PITPNC1: variants seen among roughly 807,000 people sequenced by gnomAD.
The protein encoded by PITPNC1 is phosphatidylinositol transfer protein cytoplasmic 1.
Under a neutral mutation model 44.7 loss-of-function variants are expected in PITPNC1, and 18 were observed. That is an observed-to-expected ratio of 0.40 (90% CI 0.28 to 0.60). The LOEUF (loss-of-function observed/expected upper bound fraction) is 0.60, where lower values mean the gene tolerates loss of function less well. PITPNC1 is among the 20% of genes least tolerant of loss of function. PITPNC1 has a pLI of 0.39. For synonymous variants in PITPNC1, 141 were observed against 149.6 expected (o/e 0.94, Z 0.42); for missense variants, 290 against 418.4 (o/e 0.69, Z 2.68).
intron 2 of PITPNC1, 142 bp from the exon 3 acceptor site, chr17:67,552,115 A>C (rs1747151265): frequency 4.8e-6 from 3 of 628,432 alleles, no homozygotes. Flanking sequence ...CAAAGACCGA[A>C]GAGATGGGGA....
At chr17:67,408,098 G>A (rs1273392643) in intron 1 of PITPNC1, among the ~76,000 whole-genome samples, 1 of 150,158 alleles carries the variant, frequency 6.7e-6, no homozygotes, top group Non-Finnish European at 1.5e-5. Flanking sequence ...GGGATTACAG[G>A]CATGCACCGC....
intron 1 of PITPNC1, among the ~76,000 whole-genome samples, chr17:67,497,091 A>C (rs1385200943): frequency 6.6e-6 from 1 of 152,140 alleles, no homozygotes; most frequent in Non-Finnish European, 1.5e-5. Flanking sequence ...GTTCCGGTGA[A>C]TAGCCACTGC....
chr17:67,628,252 G>A lies in PITPNC1; in HGVS notation c.367-3891G>A, dbSNP rs1191104287. Among the ~76,000 whole-genome samples the A allele has an allele frequency of 2.0e-5, 3 of 152,012 alleles. 1 individual carries two copies. The highest frequency in any genetic ancestry group is 3.9e-4 in the East Asian group (2 of 5,194). On this transcript the variant is annotated intron_variant, in intron 5 of 8. Coordinates refer to ENST00000581322, the MANE Select transcript of PITPNC1 (RefSeq NM_012417.4). The stretch of plus-strand genomic sequence containing the variant: ...TGCAGCACATACTCCATTCTGCCTT[G>A]TATTTTTGGTGATAGCTCCCCAGTC...
intron 4 of PITPNC1, among the ~76,000 whole-genome samples, chr17:67,560,628 C>T (rs2040894932): frequency 6.6e-6 from 1 of 152,206 alleles, no homozygotes; most frequent in African/African-American, 2.4e-5. Context: ...GGGACCAGAG[C>T]TCGCCTCTAC....
chr17:67,398,483 G>GGTTGT (rs2143815391), intron 1 of PITPNC1, among the ~76,000 whole-genome samples: 1 of 149,118 alleles, frequency 6.7e-6, no homozygotes, highest in Admixed American at 6.7e-5. Flanking sequence ...CAACTTTCTA[G>GGTTGT]GCATTGGTTG....
At chr17:67,670,750 CAAAAAA>C (rs61094990) in intron 7 of PITPNC1, among the ~76,000 whole-genome samples, 1 of 60,510 alleles carries the variant, frequency 1.7e-5, no homozygotes, top group Non-Finnish European at 3.3e-5. Flanking sequence ...GACTCCATCT[CAAAAAA>C]AAAAAAAAAA....
At chr17:67,451,041 C>CT (rs987403980) in intron 1 of PITPNC1, among the ~76,000 whole-genome samples, 2 of 151,890 alleles carry the variant, frequency 1.3e-5, no homozygotes, top group Non-Finnish European at 2.9e-5. Flanking sequence ...ATTTCTTTTC[C>CT]TTTTTTTGAG....
chr17:67,501,425 G>A (rs1275163076), intron 1 of PITPNC1, among the ~76,000 whole-genome samples: 1 of 152,114 alleles, frequency 6.6e-6, no homozygotes, highest in African/African-American at 2.4e-5. Context: ...TCGCTGCCTT[G>A]TCTCAACATT....
At chr17:67,413,401 T>TTTTCTTTCTTTCTTTC (rs151166964) in intron 1 of PITPNC1, among the ~76,000 whole-genome samples, 1,763 of 145,498 alleles carry the variant, frequency 0.012, 33 homozygotes, top group African/African-American at 0.015. Context: ...ATGTGCTTAA[T>TTTTCTTTCTTTCTTTC]TTTCTTTCTT....
intron 3 of PITPNC1, among the ~76,000 whole-genome samples, chr17:67,552,761 T>G (rs1008103683): frequency 6.7e-6 from 1 of 149,552 alleles, no homozygotes; most frequent in South Asian, 2.1e-4. Flanking sequence ...TGAGCCAAGA[T>G]TGTGCCACTG....
intron 1 of PITPNC1, among the ~76,000 whole-genome samples, chr17:67,506,878 C>T (rs549726065): frequency 4.5e-4 from 68 of 152,090 alleles, no homozygotes; most frequent in Admixed American, 4.6e-4. Flanking sequence ...AATTCAAAAC[C>T]AGAATTCAAA....
intron 1 of PITPNC1, among the ~76,000 whole-genome samples, chr17:67,493,235 A>T (rs76766317): frequency 0.033 from 5,013 of 152,292 alleles, 152 homozygotes; most frequent in African/African-American, 0.084. Context: ...GATCACAATC[A>T]GGAATATTCC....
At chr17:67,552,026 GT>G (rs2040770674) in intron 2 of PITPNC1, among the ~76,000 whole-genome samples, 1 of 152,202 alleles carries the variant, frequency 6.6e-6, no homozygotes, top group South Asian at 2.1e-4. Flanking sequence ...GTCTGATGGA[GT>G]CCCCCACCAG....
intron 1 of PITPNC1, among the ~76,000 whole-genome samples, chr17:67,393,439 T>C (rs1287723452): frequency 6.6e-6 from 1 of 152,116 alleles, no homozygotes; most frequent in Non-Finnish European, 1.5e-5. Flanking sequence ...TACTTATCAT[T>C]AAACTCATTC....
At chr17:67,450,434 C>CT (rs1404104673) in intron 1 of PITPNC1, among the ~76,000 whole-genome samples, 5 of 151,558 alleles carry the variant, frequency 3.3e-5, no homozygotes, top group Non-Finnish European at 7.4e-5. Flanking sequence ...TTTTAAGTTT[C>CT]TTTTTTTTGA....
chr17:67,617,015 A>T (rs2041767261), intron 5 of PITPNC1, among the ~76,000 whole-genome samples: 1 of 152,196 alleles, frequency 6.6e-6, no homozygotes, highest in Admixed American at 6.5e-5. Flanking sequence ...GGCCGGTCTG[A>T]ACGCCACATT....
rs1259943265 is a variant in PITPNC1 at position 67,695,690 on chromosome 17, A to G, written c.*2802A>G. The G allele has an allele frequency of 2.0e-5, 3 of 151,458 alleles. No individual in the cohort carries two copies. Among genetic ancestry groups the G allele is most frequent in the Non-Finnish European group, 4.4e-5 (3 of 67,904 alleles). 9.4% of individuals were successfully genotyped at this position (151,458 alleles called of 1,614,324 possible). ...TCAGTTTTAAGTCTCTGGTAGCCAA[A>G]CTTAAATAAATAATCCATAGAATAT... On this transcript the variant is annotated 3_prime_UTR_variant, in exon 9 of 9. Coordinates refer to ENST00000581322, the MANE Select transcript of PITPNC1 (RefSeq NM_012417.4).
chr17:67,607,822 G>A (rs1350504682), intron 5 of PITPNC1, among the ~76,000 whole-genome samples: 2 of 150,888 alleles, frequency 1.3e-5, no homozygotes, highest in East Asian at 2.0e-4. Context: ...TCTGCCTCCC[G>A]GGTTCAAGCG....
chr17:67,583,865 TTG>T (rs771258752), intron 5 of PITPNC1, among the ~76,000 whole-genome samples: 2,088 of 118,194 alleles, frequency 0.018, 44 homozygotes, highest in African/African-American at 0.053. Flanking sequence ...CTGGCTAATT[TTG>T]TGTGTGTGTG....
Sources: gnomAD v4.1 joint callset for allele counts (sites outside exome capture counted in the v4.1 genomes callset) on GRCh38, gnomAD v4.1.1 for gene constraint, MANE v1.5 for transcripts, NCBI Gene and HGNC (gene_info 2026-07-23, HGNC 2026-07-21) for gene names.